RAB3GAP2: variants seen among roughly 807,000 people sequenced by gnomAD.
RAB3GAP2 encodes RAB3 GTPase activating non-catalytic protein subunit 2.
In RAB3GAP2, 87 loss-of-function variants were observed where a neutral mutation model predicts 185.3. That is an observed-to-expected ratio of 0.47 (90% CI 0.39 to 0.56). RAB3GAP2 has a LOEUF of 0.56. Ranked by LOEUF, RAB3GAP2 falls within the 20% of genes least tolerant of loss-of-function variation. RAB3GAP2 has a pLI of 0.00. For synonymous variants in RAB3GAP2, 554 were observed against 576.1 expected, an observed-to-expected ratio of 0.96 and a Z score of 0.55; for missense variants, 1,492 against 1,638.2, an observed-to-expected ratio of 0.91 and a Z score of 1.54.
rs1482322083 is a variant in RAB3GAP2 at position 220,193,302 on chromosome 1, T to A, written c.1208A>T (p.Asp403Val). 4 of 1,614,056 alleles carry A rather than the reference T, an allele frequency of 2.5e-6. No homozygotes were observed. The highest frequency in any genetic ancestry group is 3.4e-6 in the Non-Finnish European group (4 of 1,179,950). The stretch of plus-strand genomic sequence containing the variant: ...CAATAAAATAACTCTGCCGAAATCA[T>A]CTGTTACTGCTGCCAGTGTGTTACA... ...SPCNTLAAVT[D>V]DFGRVILLDV... is the part of the protein sequence containing the mutation. The change falls in exon 13 of 35, where the codon GAT becomes GTT. Residue 403 changes from aspartate to valine, a missense_variant. By Grantham distance (152) the Asp-to-Val change is radical. Transcript: ENST00000358951.
rs77219131 is a variant in RAB3GAP2 at position 220,200,638 on chromosome 1, G to A, written c.811+1638C>T. ...AATGTTCCAAAGTTTAATTAACAGAGCAGGGAAGCTACCCTGAACTGAACT... is the reference window on the plus strand; with the variant it reads ...AATGTTCCAAAGTTTAATTAACAGAACAGGGAAGCTACCCTGAACTGAACT... On this transcript the variant is annotated intron_variant, in intron 9 of 34. Transcript: ENST00000358951. The A allele has an allele frequency of 9.2e-4, 487 of 526,554 alleles. 1 individual carries two copies. The East Asian group carries it at 0.016, about 18-fold the overall frequency. 32.6% of individuals were successfully genotyped at this position (526,554 alleles called of 1,614,324 possible).
chr1:220,208,925 C>G (rs1379255795), intron 7 of RAB3GAP2, among the ~76,000 whole-genome samples: 14 of 152,196 alleles, frequency 9.2e-5, no homozygotes, highest in Non-Finnish European at 7.3e-5. Flanking sequence ...CCGTGTTACC[C>G]AGGCTGGTCT....
chr1:220,211,306 A>T (rs1659081014), intron 4 of RAB3GAP2: 1 of 537,160 alleles, frequency 1.9e-6, no homozygotes, highest in Non-Finnish European at 3.6e-6. Context: ...CTGTATACAC[A>T]ACTGAGCAAA....
In RAB3GAP2 at chr1:220,210,836, C is replaced by T. The variant is rs770339960; in HGVS notation, c.475G>A (p.Gly159Ser). The change falls in exon 6 of 35, where the codon GGT becomes AGT. Residue 159 changes from glycine (G) to serine (S), a missense_variant. Physicochemically the swap from Gly to Ser is moderately conservative, Grantham distance 56. Coordinates refer to ENST00000358951, the MANE Select transcript of RAB3GAP2 (RefSeq NM_012414.4). ...AAGCGTACATAACCTGAAGTAAAAC[C>T]CACCACAATGCAGGTCCAGTCAGGA... The part of the protein sequence containing the change: ...GRPDWTCIVV[G>S]FTSGYVRFYT... 6.2e-7 allele frequency: 1 copy of T among 1,613,672 alleles called. No individual in the cohort carries two copies. Among genetic ancestry groups the T allele is most frequent in the South Asian group, 1.1e-5 (1 of 91,040 alleles).
At chr1:220,231,206 A>G (rs1331413326) in intron 2 of RAB3GAP2, among the ~76,000 whole-genome samples, 1 of 152,178 alleles carries the variant, frequency 6.6e-6, no homozygotes, top group African/African-American at 2.4e-5. Context: ...CAGTCCTGCT[A>G]CATCACACTG....
chr1:220,180,493 A>G (rs990906041), intron 21 of RAB3GAP2, among the ~76,000 whole-genome samples: 1 of 152,216 alleles, frequency 6.6e-6, no homozygotes, highest in African/African-American at 2.4e-5. Flanking sequence ...ACAAAGGATC[A>G]TTAGAGACTA....
At chr1:220,262,339 A>G (rs556090889) in intron 1 of RAB3GAP2, among the ~76,000 whole-genome samples, 1 of 152,156 alleles carries the variant, frequency 6.6e-6, no homozygotes, top group Admixed American at 6.6e-5. Flanking sequence ...ACAAAAAAAC[A>G]TAAAATTTAT....
At chr1:220,261,373 G>T (rs1660134464) in intron 1 of RAB3GAP2, among the ~76,000 whole-genome samples, 1 of 152,124 alleles carries the variant, frequency 6.6e-6, no homozygotes, top group African/African-American at 2.4e-5. Flanking sequence ...ATACTTCCAG[G>T]ACTGTCACTG....
chr1:220,267,832 G>A, intron 1 of RAB3GAP2: 1 of 1,213,194 alleles, frequency 8.2e-7, no homozygotes, highest in Non-Finnish European at 1.2e-6. Context: ...GGAAATTGCT[G>A]AGTCACGAGA....
chr1:220,187,011 A>G (rs1484972937), intron 17 of RAB3GAP2, among the ~76,000 whole-genome samples: 3 of 152,206 alleles, frequency 2.0e-5, no homozygotes, highest in Admixed American at 1.3e-4. Flanking sequence ...GTAGAATGGA[A>G]GACACAATTA....
intron 8 of RAB3GAP2, among the ~76,000 whole-genome samples, chr1:220,204,298 T>G (rs1658916754): frequency 6.6e-6 from 1 of 152,158 alleles, no homozygotes; most frequent in African/African-American, 2.4e-5. Flanking sequence ...TTGTTTAAAT[T>G]TTTATACCTA....
At chr1:220,183,461 C>G (rs1340778716) in intron 19 of RAB3GAP2, among the ~76,000 whole-genome samples, 1 of 151,988 alleles carries the variant, frequency 6.6e-6, no homozygotes, top group African/African-American at 2.4e-5. Flanking sequence ...CTATGTTGCC[C>G]AGGCTGCTCT....
At chr1:220,171,548 A>C (rs76005341) in intron 23 of RAB3GAP2, among the ~76,000 whole-genome samples, 5,465 of 152,278 alleles carry the variant, frequency 0.036, 258 homozygotes, top group East Asian at 0.22. Flanking sequence ...TTAGCCTATA[A>C]ACAACAGTGG....
chr1:220,267,057 G>A (rs1355143216), intron 1 of RAB3GAP2: 2 of 1,607,532 alleles, frequency 1.2e-6, no homozygotes, highest in Admixed American at 1.7e-5. Flanking sequence ...CACAGAGAGT[G>A]GTCCTCCTGG....
chr1:220,213,082 T>C (rs958734384), intron 3 of RAB3GAP2, 114 bp from the exon 4 acceptor site: 1 of 706,452 alleles, frequency 1.4e-6, no homozygotes, highest in Non-Finnish European at 2.3e-6. Context: ...AACAGTTGTG[T>C]ATTAACTGAC....
At chr1:220,209,313 T>TA in intron 7 of RAB3GAP2, among the ~76,000 whole-genome samples, 1 of 152,338 alleles carries the variant, frequency 6.6e-6, no homozygotes, top group South Asian at 2.1e-4. Flanking sequence ...CATTACTTTA[T>TA]AACATAAGTT....
chr1:220,193,302 T>C lies in RAB3GAP2; in HGVS notation c.1208A>G (p.Asp403Gly), dbSNP rs1482322083. ...CAATAAAATAACTCTGCCGAAATCA[T>C]CTGTTACTGCTGCCAGTGTGTTACA... ...SPCNTLAAVT[D>G]DFGRVILLDV... Residue 403 changes from aspartate (D) to glycine (G), a missense_variant, in exon 13 of 35, where the codon GAT (aspartate) becomes GGT (glycine). By Grantham distance (94) the Asp-to-Gly change is moderately conservative. Around this residue, in one of 5 missense-constraint regions of RAB3GAP2, gnomAD observed 681 missense variants for 689.1 expected, o/e 0.99. Coordinates refer to ENST00000358951, the MANE Select transcript of RAB3GAP2 (RefSeq NM_012414.4). 5.0e-6 allele frequency: 8 copies of C among 1,614,056 alleles called. No individual in the cohort carries two copies. The highest frequency in any genetic ancestry group is 6.8e-6 in the Non-Finnish European group (8 of 1,179,950).
chr1:220,195,727 A>G (rs1658711645), intron 10 of RAB3GAP2, among the ~76,000 whole-genome samples: 2 of 151,972 alleles, frequency 1.3e-5, no homozygotes, highest in African/African-American at 2.4e-5. Context: ...CTCTCTTTAA[A>G]TATATATATA....
intron 21 of RAB3GAP2, among the ~76,000 whole-genome samples, chr1:220,181,276 C>T (rs535783778): frequency 6.6e-6 from 1 of 152,242 alleles, no homozygotes; most frequent in South Asian, 2.1e-4. Context: ...GACATGCCAC[C>T]ATGCCTGGCT....
Sources: gnomAD v4.1 joint callset for allele counts (sites outside exome capture counted in the v4.1 genomes callset) on GRCh38, gnomAD v4.1.1 for gene constraint, gnomAD v4.1.1 regional missense constraint, MANE v1.5 for transcripts, NCBI Gene and HGNC (gene_info 2026-07-23, HGNC 2026-07-21) for gene names.